Variants in TRPC7 observed in about 807,000 individuals in gnomAD.
TRPC7 encodes transient receptor potential cation channel subfamily C member 7.
Under a neutral mutation model 90.1 loss-of-function variants are expected in TRPC7, and 42 were observed. The observed-to-expected ratio is 0.47, with a 90% CI of 0.36 to 0.60. The LOEUF is 0.60. Ranked by LOEUF, TRPC7 falls within the 20% of genes least tolerant of loss-of-function variation. The probability of loss-of-function intolerance (pLI) is 0.00; values close to 1 mark genes in which losing one functional copy is unlikely to be tolerated. For missense variants in TRPC7, 955 were observed against 1,112.3 expected, an observed-to-expected ratio of 0.86 and a Z score of 2.01; for synonymous variants, 451 against 436.3, an observed-to-expected ratio of 1.03 and a Z score of -0.42.
intron 2 of TRPC7, among the ~76,000 whole-genome samples, chr5:136,330,572 T>C (rs1001192000): frequency 6.6e-6 from 1 of 152,208 alleles, no homozygotes; most frequent in African/African-American, 2.4e-5. Flanking sequence ...GGGAGGAGCA[T>C]TCAAGGACCT....
intron 6 of TRPC7, among the ~76,000 whole-genome samples, chr5:136,251,084 T>A (rs1445303173): frequency 6.6e-6 from 1 of 152,236 alleles, no homozygotes; most frequent in Non-Finnish European, 1.5e-5. Context: ...AGGTTCTCAA[T>A]AAACATATGT....
chr5:136,341,418 AG>A (rs1759841858), intron 2 of TRPC7, among the ~76,000 whole-genome samples: 1 of 152,124 alleles, frequency 6.6e-6, no homozygotes. Flanking sequence ...TAAGGCAAAA[AG>A]TAAATAAATT....
Position 136,356,875 on chromosome 5 carries a change from C to G in TRPC7, c.513G>C (p.Ala171=). Residue 171 remains alanine (A), a synonymous_variant, in exon 2 of 12, where the codon GCG becomes GCC. Coordinates refer to ENST00000513104, the MANE Select transcript of TRPC7 (RefSeq NM_020389.3). ...FSHDITPIIL[A]AHCQEYEIVH... ...CGATCTCATACTCCTGGCAGTGCGC[C>G]GCCAGGATGATGGGCGTGATGTCGT... 6.2e-7 allele frequency: 1 copy of G among 1,613,862 alleles called. No individual in the cohort carries two copies. Among genetic ancestry groups the G allele is most frequent in the Middle Eastern group, 1.6e-4 (1 of 6,062 alleles).
intron 3 of TRPC7, among the ~76,000 whole-genome samples, chr5:136,294,326 A>G (rs1758076566): frequency 2.6e-5 from 4 of 152,248 alleles, no homozygotes. Flanking sequence ...GCACAGCAAA[A>G]GAAACCACCA....
At chr5:136,274,269 C>T (rs1435279550) in intron 4 of TRPC7, among the ~76,000 whole-genome samples, 4 of 152,046 alleles carry the variant, frequency 2.6e-5, no homozygotes, top group African/African-American at 9.7e-5. Context: ...TGAGATATTC[C>T]ATGAAAAGGG....
chr5:136,252,836 G>C (rs1756565924), intron 5 of TRPC7, among the ~76,000 whole-genome samples: 1 of 152,190 alleles, frequency 6.6e-6, no homozygotes, highest in Non-Finnish European at 1.5e-5. Context: ...ACCTCCTGCT[G>C]TTCAGCTCGA....
chr5:136,269,936 A>G (rs951304862), intron 4 of TRPC7, among the ~76,000 whole-genome samples: 9 of 152,180 alleles, frequency 5.9e-5, no homozygotes, highest in African/African-American at 1.2e-4. Flanking sequence ...ACACATTTCA[A>G]TGTGAATCCA....
chr5:136,323,403 C>A (rs1015395640), intron 2 of TRPC7, among the ~76,000 whole-genome samples: 3 of 152,240 alleles, frequency 2.0e-5, no homozygotes, highest in African/African-American at 7.2e-5. Flanking sequence ...ATTAAGAAAT[C>A]TTTTCTTAAT....
intron 4 of TRPC7, 62 bp from the exon 5 acceptor site, chr5:136,266,498 T>C (rs1488189156): frequency 7.0e-7 from 1 of 1,424,416 alleles, no homozygotes; most frequent in African/African-American, 1.4e-5. Flanking sequence ...GGTCTTTCTT[T>C]ATAACATCGC....
At chr5:136,360,367 C>T (rs1409957920) in intron 1 of TRPC7, among the ~76,000 whole-genome samples, 1 of 152,118 alleles carries the variant, frequency 6.6e-6, no homozygotes, top group East Asian at 1.9e-4. Context: ...TCTGGTAGGT[C>T]AAGTGAAAAG....
At chr5:136,356,381 C>G (rs1459757161) in intron 2 of TRPC7, among the ~76,000 whole-genome samples, 1 of 152,204 alleles carries the variant, frequency 6.6e-6, no homozygotes, top group Non-Finnish European at 1.5e-5. Flanking sequence ...GTACTCAAGT[C>G]ACTTCTTACC....
intron 2 of TRPC7, among the ~76,000 whole-genome samples, chr5:136,322,215 A>G (rs1422165154): frequency 6.6e-6 from 1 of 152,110 alleles, no homozygotes; most frequent in African/African-American, 2.4e-5. Flanking sequence ...GGGTTTCACC[A>G]TGTTGGTCAG....
intron 1 of TRPC7, among the ~76,000 whole-genome samples, chr5:136,363,009 A>G (rs1760615375): frequency 6.6e-6 from 1 of 152,150 alleles, no homozygotes; most frequent in Admixed American, 6.5e-5. Flanking sequence ...CTTCTCACAA[A>G]ATGCAGGAGC....
At chr5:136,283,005 A>G (rs894967704) in intron 3 of TRPC7, among the ~76,000 whole-genome samples, 1 of 152,170 alleles carries the variant, frequency 6.6e-6, no homozygotes, top group Non-Finnish European at 1.5e-5. Context: ...ATTCCTACTC[A>G]AGTCATTCTA....
chr5:136,356,548 G>T (rs1270158480), intron 2 of TRPC7, 60 bp downstream of exon 2: 2 of 1,450,372 alleles, frequency 1.4e-6, no homozygotes, highest in Non-Finnish European at 1.8e-6. Flanking sequence ...TTTCACACTG[G>T]ACACACGTGG....
chr5:136,312,065 G>A (rs1485137830), intron 3 of TRPC7, among the ~76,000 whole-genome samples: 1 of 152,162 alleles, frequency 6.6e-6, no homozygotes, highest in Non-Finnish European at 1.5e-5. Context: ...ATTTGCTCAA[G>A]TGACCACATT....
At position 136,247,857 on chromosome 5, in the gene TRPC7, T is replaced by C. The variant is rs777992801; in HGVS notation, c.1580-122A>G. 223 of 1,261,590 alleles carry C rather than the reference T, an allele frequency of 1.8e-4. No homozygotes were observed. Among genetic ancestry groups the C allele is most frequent in the Non-Finnish European group, 2.3e-4 (212 of 922,214 alleles). The allele number at this position is 1,261,590 out of a possible 1,614,324, so 78.1% of individuals were successfully genotyped here. On this transcript the variant is annotated intron_variant, in intron 6 of 11. Coordinates refer to ENST00000513104, the MANE Select transcript of TRPC7 (RefSeq NM_020389.3). The surrounding 1 kb of genome is among the most constrained non-coding windows in gnomAD (Gnocchi z 4.2). ...TGCCATTCTTGTCCTTGTCCTTAAA[T>C]TAATCCCAATATCCAGAAGTTGCCA...
chr5:136,346,489 G>A (rs367885658), intron 2 of TRPC7, among the ~76,000 whole-genome samples: 97 of 151,872 alleles, frequency 6.4e-4, no homozygotes, highest in African/African-American at 2.0e-3. Flanking sequence ...CCATGAGTGC[G>A]CACACACACA....
chr5:136,232,873 T>C (rs1755861809), intron 7 of TRPC7, among the ~76,000 whole-genome samples: 1 of 152,122 alleles, frequency 6.6e-6, no homozygotes, highest in Non-Finnish European at 1.5e-5. Context: ...CTTTTTTTTT[T>C]CCTCTTTAAC....
Sources: allele counts gnomAD v4.1 joint callset (sites outside exome capture counted in the v4.1 genomes callset), GRCh38; gene constraint gnomAD v4.1.1; non-coding constraint Gnocchi (gnomAD v3.1); transcripts MANE v1.5; gene names NCBI Gene and HGNC (gene_info 2026-07-23, HGNC 2026-07-21).